The following ZC3H13 variants were observed in gnomAD, a reference collection of about 807,000 sequenced individuals.
ZC3H13 encodes zinc finger CCCH domain-containing protein 13.
Under a neutral mutation model 204.1 loss-of-function variants are expected in ZC3H13, and 64 were observed. That is an observed-to-expected ratio of 0.31 (90% confidence interval 0.26 to 0.39). The LOEUF is 0.39. Among genes scored for constraint, ZC3H13 ranks in the 10% least tolerant of loss-of-function variants. ZC3H13 has a pLI of 1.00. For synonymous variants in ZC3H13, 667 were observed against 693.7 expected, an observed-to-expected ratio of 0.96 and a Z score of 0.60; for missense variants, 1,833 against 2,082.7, an observed-to-expected ratio of 0.88 and a Z score of 2.33.
In ZC3H13 at chr13:45,969,026, A is replaced by G. The variant is rs1952337564; in HGVS notation, c.3518T>C (p.Val1173Ala). 1 of 1,613,986 alleles carries G rather than the reference A, an allele frequency of 6.2e-7. No individual in the cohort carries two copies. Among genetic ancestry groups the G allele is most frequent in the Non-Finnish European group, 8.5e-7 (1 of 1,180,034 alleles). ...GCGATGCTGTGCATCTTCTATAGTC[A>G]CGTGAGGCGTCTCTACTTTTTCTAC... Reference protein sequence around the residue: ...TRVEKVETPHVTIEDAQHRKP... With the variant: ...TRVEKVETPHATIEDAQHRKP... Residue 1173 changes from valine (V) to alanine (A), a missense_variant, in exon 14 of 19, where the codon GTG becomes GCG. Coordinates refer to ENST00000679008, the MANE Select transcript of ZC3H13 (RefSeq NM_001330564.2).
chr13:45,958,648 GTTTTTTTTTT>G (rs10539884), intron 18 of ZC3H13, among the ~76,000 whole-genome samples: 13 of 123,706 alleles, frequency 1.1e-4, no homozygotes, highest in Admixed American at 4.5e-4. Context: ...AAAAATCCCA[GTTTTTTTTTT>G]TTTTTTTTTT....
At chr13:46,025,063 C>A (rs1390362028) in intron 4 of ZC3H13, among the ~76,000 whole-genome samples, 1 of 152,102 alleles carries the variant, frequency 6.6e-6, no homozygotes, top group East Asian at 1.9e-4. Flanking sequence ...TATCTCAGAA[C>A]ATTTAGTCAA....
chr13:46,016,976 G>A (rs2041948499), intron 5 of ZC3H13, among the ~76,000 whole-genome samples: 1 of 152,076 alleles, frequency 6.6e-6, no homozygotes, highest in Non-Finnish European at 1.5e-5. Context: ...AGGGAAAGAA[G>A]TGTCAGTGAT....
chr13:46,042,286 A>C lies in ZC3H13; in HGVS notation c.228-11T>G, dbSNP rs2043639549. ...GGTCTTTCTGGTGACCTTTGAACCAAAACACAGAAACAAAACAAAAAACGA... is the reference window on the plus strand; with the variant it reads ...GGTCTTTCTGGTGACCTTTGAACCACAACACAGAAACAAAACAAAAAACGA... On this transcript the variant is annotated splice_polypyrimidine_tract_variant and intron_variant, in intron 3 of 18. Transcript: ENST00000679008. The C allele has an allele frequency of 1.9e-6, 3 of 1,589,052 alleles. No individual in the cohort carries two copies. The highest frequency in any genetic ancestry group is 2.6e-6 in the Non-Finnish European group (3 of 1,165,190).
chr13:46,018,996 T>C (rs1411052434), intron 5 of ZC3H13, among the ~76,000 whole-genome samples: 1 of 152,158 alleles, frequency 6.6e-6, no homozygotes, highest in East Asian at 1.9e-4. Context: ...TGGGAGAGTA[T>C]AGCTGCCTTT....
At position 45,969,400 on chromosome 13, in the gene ZC3H13, A is replaced by G. The variant is rs768932393; in HGVS notation, c.3144T>C (p.Gly1048=). 1.9e-6 allele frequency: 3 copies of G among 1,614,096 alleles called. No individual in the cohort carries two copies. The South Asian group carries it at 3.3e-5, about 18-fold the overall frequency. Residue 1048 remains glycine, a synonymous_variant, in exon 14 of 19, where the codon GGT becomes GGC. Transcript: ENST00000679008. The part of the protein sequence containing the change: ...TKEELVEMCN[G]KNGILEDSQK... Reference sequence around the variant, plus strand: ...GGGAGTCCTCTAGAATACCATTCTTACCATTGCACATTTCAACCAATTCCT... The same window carrying G: ...GGGAGTCCTCTAGAATACCATTCTTGCCATTGCACATTTCAACCAATTCCT...
chr13:46,041,297 A>G (rs1192887549), intron 4 of ZC3H13, among the ~76,000 whole-genome samples: 3 of 152,176 alleles, frequency 2.0e-5, no homozygotes, highest in Non-Finnish European at 4.4e-5. Flanking sequence ...GAACCTTGAA[A>G]AGGTATGCTA....
intron 1 of ZC3H13, among the ~76,000 whole-genome samples, chr13:46,045,891 C>CAG (rs747474913): frequency 2.0e-5 from 3 of 152,000 alleles, no homozygotes; most frequent in Non-Finnish European, 4.4e-5. Context: ...TTTAGTAACT[C>CAG]AAAGTTGTTA....
intron 13 of ZC3H13, 89 bp from the exon 14 acceptor site, chr13:45,970,060 T>C: frequency 3.4e-6 from 5 of 1,469,432 alleles, no homozygotes; most frequent in East Asian, 2.3e-5. Flanking sequence ...TCCTCACACC[T>C]GTAATCCCAG....
At chr13:46,011,591 A>G in intron 5 of ZC3H13, 37 bp from the exon 6 acceptor site, 1 of 1,482,760 alleles carries the variant, frequency 6.7e-7, no homozygotes, top group Non-Finnish European at 9.0e-7. Flanking sequence ...AGAAACTAGC[A>G]TAATTATCTA....
intron 7 of ZC3H13, among the ~76,000 whole-genome samples, chr13:46,008,404 C>T (rs1005543959): frequency 6.6e-6 from 1 of 151,352 alleles, no homozygotes; most frequent in Non-Finnish European, 1.5e-5. Context: ...GGTCCTTTTG[C>T]TTTTATTATT....
intron 9 of ZC3H13, among the ~76,000 whole-genome samples, chr13:45,986,008 C>G (rs1388781598): frequency 6.6e-6 from 1 of 152,186 alleles, no homozygotes; most frequent in Non-Finnish European, 1.5e-5. Flanking sequence ...CCCCAACTTA[C>G]CAGATCCTAA....
chr13:45,980,109 T>C, intron 10 of ZC3H13, 105 bp from the exon 11 acceptor site: 1 of 1,000,134 alleles, frequency 1.0e-6, no homozygotes, highest in East Asian at 3.1e-5. Flanking sequence ...ATATATTTAA[T>C]ATTCCAAAGT....
At chr13:45,966,122 T>G (rs1952063210) in intron 15 of ZC3H13, among the ~76,000 whole-genome samples, 1 of 152,180 alleles carries the variant, frequency 6.6e-6, no homozygotes, top group African/African-American at 2.4e-5. Flanking sequence ...CCACCTATGC[T>G]AAACTTTGTC....
At chr13:45,981,761 C>T (rs908157498) in intron 10 of ZC3H13, among the ~76,000 whole-genome samples, 4 of 150,918 alleles carry the variant, frequency 2.7e-5, no homozygotes, top group African/African-American at 9.8e-5. Context: ...AGTAAACTAT[C>T]GCAAGAACAA....
intron 13 of ZC3H13, 126 bp downstream of exon 13, chr13:45,970,236 T>C (rs1952472306): frequency 1.9e-6 from 2 of 1,044,080 alleles, no homozygotes; most frequent in South Asian, 3.3e-5. Flanking sequence ...AGGAGATATT[T>C]AGAGGCAGCA....
intron 4 of ZC3H13, among the ~76,000 whole-genome samples, chr13:46,038,042 C>G (rs1185970250): frequency 1.3e-5 from 2 of 152,138 alleles, no homozygotes; most frequent in Non-Finnish European, 2.9e-5. Flanking sequence ...AGTGAACTTA[C>G]TAGTTCCAGG....
At chr13:45,975,230 T>A in intron 12 of ZC3H13, 53 bp downstream of exon 12, 1 of 1,556,102 alleles carries the variant, frequency 6.4e-7, no homozygotes, top group Non-Finnish European at 8.7e-7. Flanking sequence ...AATGAAACTT[T>A]GAATTCTTTC....
At chr13:46,029,835 T>C (rs942551407) in intron 4 of ZC3H13, among the ~76,000 whole-genome samples, 1 of 152,110 alleles carries the variant, frequency 6.6e-6, no homozygotes, top group Non-Finnish European at 1.5e-5. Context: ...TCATGAATAA[T>C]AGCAAAAATC....
Sources: gnomAD v4.1 joint callset for allele counts (sites outside exome capture counted in the v4.1 genomes callset) on GRCh38, gnomAD v4.1.1 for gene constraint, MANE v1.5 for transcripts, NCBI Gene and HGNC (gene_info 2026-07-23, HGNC 2026-07-21) for gene names.